MRPS18B: variants seen among roughly 807,000 people sequenced by gnomAD.
MRPS18B encodes the protein small ribosomal subunit protein mS40.
In MRPS18B, 27 loss-of-function variants were observed where a neutral mutation model predicts 28.4. The ratio of observed to expected loss-of-function variants is 0.95; its 90% CI spans 0.70 to 1.31. The LOEUF is 1.31. Ranked by LOEUF, MRPS18B falls within the 40% of genes most tolerant of loss-of-function variation. The pLI is 0.00. For missense variants in MRPS18B, 343 were observed against 335.9 expected (o/e 1.02, Z -0.17); for synonymous variants, 118 against 123.7 (o/e 0.95, Z 0.30).
rs1401756283 is a variant in MRPS18B, at chr6:30,618,027, G to A, written c.78+84G>A. 13 of 1,430,682 alleles carry A rather than the reference G, an allele frequency of 9.1e-6. No homozygotes were observed. In the Admixed American group the frequency reaches 2.1e-4, roughly 23 times the overall value. 88.6% of individuals were successfully genotyped at this position (1,430,682 alleles called of 1,614,324 possible). A position where few individuals can be genotyped will look rare whatever the true frequency, so the allele number is the denominator to read the frequency against. ...TCGCTCCACTGTCAGGAATCCACGA[G>A]TGGAGACCTTCCCACGTGTGTCTTA... is the stretch of plus-strand genomic sequence containing the variant. On this transcript the variant is annotated intron_variant, in intron 1 of 6. Transcript: ENST00000259873.
chr6:30,619,486 T>G lies in MRPS18B; in HGVS notation c.79-7T>G. The G allele has an allele frequency of 6.2e-7, 1 of 1,608,558 alleles. No homozygotes were observed. The highest frequency in any genetic ancestry group is 1.1e-5 in the South Asian group (1 of 90,956). ...TCATTCTTTTATTTTTTTCTTCTCCTTTGTAGGTTCCCCTCCAGACTCTTT... is the reference window on the plus strand; with the variant it reads ...TCATTCTTTTATTTTTTTCTTCTCCGTTGTAGGTTCCCCTCCAGACTCTTT... On this transcript the variant is annotated splice_region_variant and splice_polypyrimidine_tract_variant and intron_variant, in intron 1 of 6. Coordinates refer to ENST00000259873, the MANE Select transcript of MRPS18B (RefSeq NM_014046.4).
At position 30,625,614 on chromosome 6, in the gene MRPS18B, CTGGTACCCA is replaced by C; in HGVS notation, c.601_609del (p.Pro201_Tyr203del). ...CCCCCACCCTGGTCTCAGGTGACCC[CTGGTACCCA>C]TGGTACAACTGGAAACAGCCACCGG... On this transcript the variant is annotated inframe_deletion, in exon 7 of 7. Transcript: ENST00000259873. 1.2e-6 allele frequency: 2 copies of C among 1,613,086 alleles called. No homozygotes were observed. The highest frequency in any genetic ancestry group is 1.7e-6 in the Non-Finnish European group (2 of 1,180,024).
intron 5 of MRPS18B, among the ~76,000 whole-genome samples, chr6:30,623,344 AAAAG>A (rs1761288816): frequency 6.6e-6 from 1 of 152,148 alleles, no homozygotes; most frequent in Non-Finnish European, 1.5e-5. Context: ...TCAAAAAAAA[AAAAG>A]GAAAAAGAAA....
At chr6:30,622,148 T>C (rs1458414079) in intron 4 of MRPS18B, among the ~76,000 whole-genome samples, 1 of 152,172 alleles carries the variant, frequency 6.6e-6, no homozygotes, top group African/African-American at 2.4e-5. Context: ...TAAATTATAT[T>C]CAGCATACTA....
chr6:30,625,363 C>T, intron 6 of MRPS18B, 139 bp from the exon 7 acceptor site: 1 of 878,200 alleles, frequency 1.1e-6, no homozygotes, highest in Non-Finnish European at 1.8e-6. Context: ...CTGGGCCGGT[C>T]ACCTGTTTGC....
At position 30,617,902 on chromosome 6, in the gene MRPS18B, C is replaced by G. The variant is rs1582693709; in HGVS notation, c.37C>G (p.Leu13Val). 3 of 1,614,080 alleles carry G rather than the reference C, an allele frequency of 1.9e-6. No homozygotes were observed. In the East Asian group the frequency reaches 6.7e-5, roughly 36 times the overall value. Residue 13 changes from leucine (L) to valine (V), a missense_variant, in exon 1 of 7, where the codon CTT becomes GTT. Physicochemically the swap from Leu to Val is conservative, Grantham distance 32 (BLOSUM62 1). Coordinates refer to ENST00000259873, the MANE Select transcript of MRPS18B (RefSeq NM_014046.4). ...TGTATTAAACACCGTGCTGAGGCGGCTTCCTATGCTATCTCTCTTCCGAGG... is the reference window on the plus strand; with the variant it reads ...TGTATTAAACACCGTGCTGAGGCGGGTTCCTATGCTATCTCTCTTCCGAGG... ...ASVLNTVLRR[L>V]PMLSLFRGSH...
At position 30,620,001 on chromosome 6, in the gene MRPS18B, CTT is replaced by C; in HGVS notation, c.354+15_354+16del. 6.2e-7 allele frequency: 1 copy of C among 1,612,674 alleles called. No individual in the cohort carries two copies. Among genetic ancestry groups the C allele is most frequent in the Non-Finnish European group, 8.5e-7 (1 of 1,178,742 alleles). The stretch of plus-strand genomic sequence containing the variant: ...ATGTTGACTTTAGGGTAAGGAGAGT[CTT>C]TTCTTTTTAGGGTAAGAAAAATAAA... On this transcript the variant is annotated intron_variant, in intron 4 of 6. Transcript: ENST00000259873.
intron 4 of MRPS18B, among the ~76,000 whole-genome samples, chr6:30,621,126 G>T (rs963990044): frequency 2.6e-5 from 4 of 152,246 alleles, no homozygotes; most frequent in African/African-American, 9.6e-5. Flanking sequence ...TATTGGCTGG[G>T]TGCGGCGGCC....
At chr6:30,621,240 A>G (rs962579534) in intron 4 of MRPS18B, among the ~76,000 whole-genome samples, 2 of 152,042 alleles carry the variant, frequency 1.3e-5, no homozygotes, top group African/African-American at 4.8e-5. Flanking sequence ...TGTCTCTACT[A>G]AAAATACAAA....
intron 4 of MRPS18B, among the ~76,000 whole-genome samples, chr6:30,621,075 G>C (rs1048417551): frequency 2.0e-5 from 3 of 152,224 alleles, no homozygotes; most frequent in African/African-American, 7.2e-5. Flanking sequence ...CCTTCAATAT[G>C]TGAGAAGGAC....
In MRPS18B at chr6:30,619,482, C is replaced by T. The variant is rs760106279; in HGVS notation, c.79-11C>T. ...AAACTCATTCTTTTATTTTTTTCTTCTCCTTTGTAGGTTCCCCTCCAGACT... is the reference window on the plus strand; with the variant it reads ...AAACTCATTCTTTTATTTTTTTCTTTTCCTTTGTAGGTTCCCCTCCAGACT... On this transcript the variant is annotated splice_polypyrimidine_tract_variant and intron_variant, in intron 1 of 6. Coordinates refer to ENST00000259873, the MANE Select transcript of MRPS18B (RefSeq NM_014046.4). 8 of 1,598,386 alleles carry T rather than the reference C, an allele frequency of 5.0e-6. No homozygotes were observed. Among genetic ancestry groups the T allele is most frequent in the African/African-American group, 2.7e-5 (2 of 74,224 alleles).
chr6:30,625,746 A>G lies in MRPS18B; in HGVS notation c.726A>G (p.Thr242=), dbSNP rs748322461. ...CAATGCCCAAGATGCCCCCTAGAACACCAGCGGAAGCCTCCTCCACTGGGC... is the reference window on the plus strand; with the variant it reads ...CAATGCCCAAGATGCCCCCTAGAACGCCAGCGGAAGCCTCCTCCACTGGGC... The part of the protein sequence containing the change: ...PESMPKMPPR[T]PAEASSTGQT... The change falls in exon 7 of 7, where the codon ACA becomes ACG. Residue 242 remains threonine, a synonymous_variant. Coordinates refer to ENST00000259873, the MANE Select transcript of MRPS18B (RefSeq NM_014046.4). The G allele has an allele frequency of 6.8e-6, 11 of 1,612,698 alleles. No individual in the cohort carries two copies. The highest frequency in any genetic ancestry group is 7.6e-6 in the Non-Finnish European group (9 of 1,179,776).
chr6:30,621,173 A>G (rs1201794540), intron 4 of MRPS18B, among the ~76,000 whole-genome samples: 3 of 152,006 alleles, frequency 2.0e-5, no homozygotes, highest in Non-Finnish European at 2.9e-5. Flanking sequence ...AGGCCCAGGC[A>G]GGTGCTTCAC....
chr6:30,618,011 T>G, intron 1 of MRPS18B, 68 bp downstream of exon 1: 1 of 1,552,508 alleles, frequency 6.4e-7, no homozygotes, highest in South Asian at 1.1e-5. Context: ...GTCGCTCCAC[T>G]GTCAGGAATC....
At chr6:30,624,167 A>T (rs886905804) in intron 5 of MRPS18B, among the ~76,000 whole-genome samples, 1 of 151,630 alleles carries the variant, frequency 6.6e-6, no homozygotes, top group Non-Finnish European at 1.5e-5. Context: ...ATCTTGGCTC[A>T]CTGCCGTCTC....
At chr6:30,619,163 G>C (rs1185120471) in intron 1 of MRPS18B, among the ~76,000 whole-genome samples, 1 of 152,142 alleles carries the variant, frequency 6.6e-6, no homozygotes, top group African/African-American at 2.4e-5. Flanking sequence ...TGATCCGCCT[G>C]CCTGGGCCTC....
At chr6:30,625,364 A>G in intron 6 of MRPS18B, 138 bp from the exon 7 acceptor site, 3 of 880,512 alleles carry the variant, frequency 3.4e-6, no homozygotes, top group Non-Finnish European at 3.5e-6. Flanking sequence ...TGGGCCGGTC[A>G]CCTGTTTGCA....
chr6:30,620,059 T>C, intron 4 of MRPS18B, 70 bp downstream of exon 4: 1 of 1,476,282 alleles, frequency 6.8e-7, no homozygotes, highest in East Asian at 2.3e-5. Flanking sequence ...GGCTCACGCC[T>C]GTAATCCCAG....
chr6:30,619,571 G>A lies in MRPS18B; in HGVS notation c.157G>A (p.Asp53Asn), dbSNP rs775912124. 10 of 1,612,912 alleles carry A rather than the reference G, an allele frequency of 6.2e-6. No homozygotes were observed. The South Asian group carries it at 7.7e-5, about 12-fold the overall frequency. Residue 53 changes from aspartate to asparagine, a missense_variant, in exon 2 of 7, where the codon GAT (aspartate) becomes AAT (asparagine). Physicochemically the swap from Asp to Asn is conservative, Grantham distance 23. Transcript: ENST00000259873. Reference protein sequence around the residue: ...LSSVPISPYKDEPWKYLESEE... With the variant: ...LSSVPISPYKNEPWKYLESEE... ...CTCAGTTCCCATTTCTCCTTATAAG[G>A]ATGAGCCCTGGAAATATCTGGAATC...
Sources: allele counts gnomAD v4.1 joint callset (sites outside exome capture counted in the v4.1 genomes callset), GRCh38; gene constraint gnomAD v4.1.1; transcripts MANE v1.5; gene names NCBI Gene and HGNC (gene_info 2026-07-23, HGNC 2026-07-21).